SND1: variants seen among roughly 807,000 people sequenced by gnomAD.
SND1 encodes the protein staphylococcal nuclease domain-containing protein 1.
In SND1, 38 loss-of-function variants were observed where a neutral mutation model predicts 121.7. The ratio of observed to expected loss-of-function variants is 0.31; its 90% confidence interval spans 0.24 to 0.41. The LOEUF is 0.41. Ranked by LOEUF, SND1 falls within the 10% of genes least tolerant of loss-of-function variation. The pLI, the probability that SND1 is intolerant of heterozygous loss-of-function variation, is 1.00. For synonymous variants in SND1, 401 were observed against 447.4 expected (o/e 0.90, Z 1.31); for missense variants, 868 against 1,184.6 (o/e 0.73, Z 3.92).
chr7:127,727,139 G>A (rs1254869776), intron 10 of SND1, among the ~76,000 whole-genome samples: 1 of 152,210 alleles, frequency 6.6e-6, no homozygotes, highest in African/African-American at 2.4e-5. Context: ...TCAGACCCGG[G>A]TGCTAAAGGA....
chr7:127,851,733 TATTG>T (rs1436501326), intron 12 of SND1, among the ~76,000 whole-genome samples: 1 of 152,240 alleles, frequency 6.6e-6, no homozygotes, highest in Non-Finnish European at 1.5e-5. Context: ...TAGCCCATTT[TATTG>T]ATTTTTCTTT....
intron 16 of SND1, among the ~76,000 whole-genome samples, chr7:128,040,996 T>C (rs1792844939): frequency 6.6e-6 from 1 of 152,198 alleles, no homozygotes; most frequent in Non-Finnish European, 1.5e-5. Flanking sequence ...CCTTGGCAAG[T>C]TCATTTGTCT....
chr7:127,990,700 A>C (rs1802501732), intron 15 of SND1, among the ~76,000 whole-genome samples: 1 of 152,146 alleles, frequency 6.6e-6, no homozygotes, highest in South Asian at 2.1e-4. Flanking sequence ...GCTCTTGATA[A>C]TTCCCAGATG....
intron 10 of SND1, among the ~76,000 whole-genome samples, chr7:127,782,252 G>C (rs949844616): frequency 1.3e-5 from 2 of 152,170 alleles, no homozygotes; most frequent in African/African-American, 4.8e-5. Context: ...TTGAGGTCTG[G>C]TTGTTTTCCA....
At chr7:127,766,026 G>A (rs548544994) in intron 10 of SND1, among the ~76,000 whole-genome samples, 1 of 152,332 alleles carries the variant, frequency 6.6e-6, no homozygotes, top group South Asian at 2.1e-4. Context: ...AGTGTTAACA[G>A]TGCCGAGAGG....
At chr7:127,727,863 G>T (rs535737375) in intron 10 of SND1, among the ~76,000 whole-genome samples, 1 of 152,092 alleles carries the variant, frequency 6.6e-6, no homozygotes, top group Non-Finnish European at 1.5e-5. Context: ...AAGACTGTGG[G>T]TGGGTCTTAG....
intron 2 of SND1, among the ~76,000 whole-genome samples, chr7:127,693,169 G>T (rs1429374723): frequency 6.6e-6 from 1 of 152,136 alleles, no homozygotes; most frequent in Non-Finnish European, 1.5e-5. Context: ...GGGACGCTTT[G>T]TTCATTGGTT....
intron 16 of SND1, among the ~76,000 whole-genome samples, chr7:128,019,137 C>T (rs1164240128): frequency 6.6e-6 from 1 of 152,182 alleles, no homozygotes; most frequent in Non-Finnish European, 1.5e-5. Flanking sequence ...AGTTCATCAA[C>T]TCATCAGGAG....
chr7:127,885,299 A>G (rs572717859), intron 12 of SND1, among the ~76,000 whole-genome samples: 2 of 152,296 alleles, frequency 1.3e-5, no homozygotes, highest in Admixed American at 6.5e-5. Context: ...TGATTCTCAT[A>G]TGCATTGCAC....
At chr7:127,945,324 C>T (rs1462319948) in intron 15 of SND1, among the ~76,000 whole-genome samples, 1 of 152,074 alleles carries the variant, frequency 6.6e-6, no homozygotes, top group Non-Finnish European at 1.5e-5. Flanking sequence ...AACCCCGTCT[C>T]TACTAAAAAT....
chr7:127,780,310 A>G (rs1169962057), intron 10 of SND1, among the ~76,000 whole-genome samples: 3 of 152,244 alleles, frequency 2.0e-5, no homozygotes, highest in African/African-American at 7.2e-5. Flanking sequence ...GTCAATGTGT[A>G]AAACAACTAG....
At chr7:127,872,628 GCACACACACACACACACACACA>G (rs56324746) in intron 12 of SND1, among the ~76,000 whole-genome samples, 3 of 139,844 alleles carry the variant, frequency 2.1e-5, no homozygotes, top group African/African-American at 7.8e-5. Context: ...TAACACACAC[GCACACACACACACACACACACA>G]CACACACACA....
At chr7:128,028,424 C>A in intron 16 of SND1, 1 of 377,012 alleles carries the variant, frequency 2.7e-6, no homozygotes, top group Non-Finnish European at 4.8e-6. Flanking sequence ...GGCAGCATAG[C>A]AAGTTAACTT....
intron 15 of SND1, among the ~76,000 whole-genome samples, chr7:127,981,485 G>C (rs1802260449): frequency 6.6e-6 from 1 of 152,124 alleles, no homozygotes; most frequent in African/African-American, 2.4e-5. Context: ...CCTGCTCTTG[G>C]GATGCCACAG....
At chr7:127,843,186 C>CCCT (rs1475363032) in intron 11 of SND1, among the ~76,000 whole-genome samples, 12 of 152,102 alleles carry the variant, frequency 7.9e-5, no homozygotes, top group African/African-American at 2.9e-4. Flanking sequence ...CCCCTACACA[C>CCCT]AATCTTCCAC....
chr7:127,879,415 CATAT>C (rs1470762386), intron 12 of SND1, among the ~76,000 whole-genome samples: 1 of 152,094 alleles, frequency 6.6e-6, no homozygotes, highest in East Asian at 1.9e-4. Flanking sequence ...CCACATCCTC[CATAT>C]ATATGAGCAA....
At chr7:127,983,471 C>T (rs1369569966) in intron 15 of SND1, among the ~76,000 whole-genome samples, 1 of 152,104 alleles carries the variant, frequency 6.6e-6, no homozygotes, top group Admixed American at 6.5e-5. Flanking sequence ...AAGATGAAAA[C>T]TAGATGAGAT....
At chr7:127,727,151 C>G (rs1042793647) in intron 10 of SND1, among the ~76,000 whole-genome samples, 18 of 152,202 alleles carry the variant, frequency 1.2e-4, no homozygotes, top group African/African-American at 4.3e-4. Context: ...GCTAAAGGAT[C>G]AGTTTTGTTA....
chr7:127,915,162 T>TACCA (rs1800548069), intron 14 of SND1, among the ~76,000 whole-genome samples: 1 of 152,128 alleles, frequency 6.6e-6, no homozygotes. Context: ...ACTACATGTG[T>TACCA]ACCACTACGC....
Sources: allele counts gnomAD v4.1 joint callset (sites outside exome capture counted in the v4.1 genomes callset), GRCh38; gene constraint gnomAD v4.1.1; transcripts MANE v1.5; gene names NCBI Gene and HGNC (gene_info 2026-07-23, HGNC 2026-07-21).